Variants in SCML2 observed in about 807,000 individuals in gnomAD.
The protein encoded by SCML2 is sex comb on midleg-like protein 2.
SCML2 carries 6 observed loss-of-function variants against 48.4 expected under a neutral mutation model. That is an observed-to-expected ratio of 0.12 (90% CI 0.07 to 0.24). SCML2 has a LOEUF of 0.24. SCML2 is among the 10% of genes least tolerant of loss of function. The pLI is 1.00. For missense variants in SCML2, 377 were observed against 528.2 expected, an observed-to-expected ratio of 0.71 and a Z score of 2.81; for synonymous variants, 181 against 189.5, an observed-to-expected ratio of 0.95 and a Z score of 0.37.
intron 11 of SCML2, 28 bp from the exon 12 acceptor site, chrX:18,247,910 G>T: frequency 9.4e-7 from 1 of 1,059,232 alleles, no homozygotes; most frequent in Non-Finnish European, 1.3e-6. Flanking sequence ...ACAGTTGTCT[G>T]TTATAACGAA....
At chrX:18,350,462 G>A (rs914274333) in intron 1 of SCML2, among the ~76,000 whole-genome samples, 2 of 110,000 alleles carry the variant, frequency 1.8e-5, no homozygotes, top group Middle Eastern at 4.6e-3. Flanking sequence ...TGTAGTCCCA[G>A]CTACTTGGGA....
intron 1 of SCML2, among the ~76,000 whole-genome samples, chrX:18,350,448 C>T (rs755407096): frequency 1.8e-5 from 2 of 110,167 alleles, no homozygotes; most frequent in Non-Finnish European, 3.8e-5. Context: ...CGGTGGCGCA[C>T]GCCTGTAGTC....
In SCML2 at chrX:18,240,368, A is replaced by AAT. The variant is rs1222997954; in HGVS notation, c.*881_*882dup. 1 of 112,534 alleles carries AAT rather than the reference A, an allele frequency of 8.9e-6. No individual in the cohort carries two copies. Among genetic ancestry groups the AAT allele is most frequent in the Non-Finnish European group, 1.9e-5 (1 of 53,286 alleles). 9.3% of individuals were successfully genotyped at this position (112,534 alleles called of 1,213,427 possible). ...TACCATATGAAGAATAAACACATAC[A>AAT]ATATATATCTTCAAAAATTTTGGAC... On this transcript the variant is annotated 3_prime_UTR_variant, in exon 15 of 15. Coordinates refer to ENST00000251900, the MANE Select transcript of SCML2 (RefSeq NM_006089.3).
At chrX:18,286,597 C>A (rs1176565333) in intron 7 of SCML2, among the ~76,000 whole-genome samples, 2 of 111,482 alleles carry the variant, frequency 1.8e-5, no homozygotes, top group Admixed American at 1.9e-4. Flanking sequence ...ACAGTGTCTA[C>A]CTCCATGCAT....
rs373947793 is a variant in SCML2, at chrX:18,304,179, C to T, written c.730+793G>A. ...CTCAGCCTCCTGAGTAGCTAGGATT[C>T]CAGGCACACGCCACCGCGCCCGGCT... On this transcript the variant is annotated intron_variant, in intron 7 of 14. Transcript: ENST00000251900. 8.1e-4 allele frequency among the ~76,000 whole-genome samples: 90 copies of T among 111,267 alleles called. 1 individual carries two copies. Among genetic ancestry groups the T allele is most frequent in the African/African-American group, 2.7e-3 (84 of 30,612 alleles).
intron 6 of SCML2, among the ~76,000 whole-genome samples, chrX:18,319,472 C>T (rs1380479912): frequency 2.8e-5 from 3 of 108,898 alleles, no homozygotes; most frequent in African/African-American, 6.7e-5. Flanking sequence ...TGATGGTGCA[C>T]GCCTGTAGTC....
intron 7 of SCML2, among the ~76,000 whole-genome samples, chrX:18,274,907 A>G (rs1927579156): frequency 9.0e-6 from 1 of 111,651 alleles, no homozygotes; most frequent in Non-Finnish European, 1.9e-5. Flanking sequence ...TTCTCTCTGA[A>G]GCCTGCTACC....
At chrX:18,315,671 T>C (rs978988072) in intron 6 of SCML2, among the ~76,000 whole-genome samples, 2 of 111,639 alleles carry the variant, frequency 1.8e-5, no homozygotes, top group African/African-American at 3.3e-5. Flanking sequence ...ACACAAAGAA[T>C]ACTCCTGCAA....
In SCML2 at chrX:18,266,642, A is replaced by T. The variant is rs774363438; in HGVS notation, c.731-840T>A. 8.0e-5 allele frequency among the ~76,000 whole-genome samples: 9 copies of T among 112,593 alleles called. No homozygotes were observed. In the South Asian group the frequency reaches 3.3e-3, roughly 41 times the overall value. On this transcript the variant is annotated intron_variant, in intron 7 of 14. Coordinates refer to ENST00000251900, the MANE Select transcript of SCML2 (RefSeq NM_006089.3). ...CTTTACAGGAAGAACTATGTAAGTG[A>T]AACATTTATACATCTATGCAAAAAT... is the stretch of plus-strand genomic sequence containing the variant.
In SCML2 at chrX:18,260,301, AC is replaced by A. The variant is rs751415835; in HGVS notation, c.949-11del. 4 of 1,179,256 alleles carry A rather than the reference AC, an allele frequency of 3.4e-6. No individual in the cohort carries two copies. In the South Asian group the frequency reaches 5.7e-5, roughly 17 times the overall value. ...CGGGCAAAGGTTTTTCCTGTTAAAA[AC>A]AAAGGGAAAAAAACACAAGTATACA... On this transcript the variant is annotated splice_polypyrimidine_tract_variant and intron_variant, in intron 8 of 14. Coordinates refer to ENST00000251900, the MANE Select transcript of SCML2 (RefSeq NM_006089.3).
intron 13 of SCML2, among the ~76,000 whole-genome samples, chrX:18,245,426 T>A (rs1402876085): frequency 8.9e-6 from 1 of 112,239 alleles, no homozygotes; most frequent in Non-Finnish European, 1.9e-5. Context: ...ATACTAGCCA[T>A]TATGGAGTAA....
intron 1 of SCML2, among the ~76,000 whole-genome samples, chrX:18,351,793 G>A (rs1305249292): frequency 2.7e-5 from 3 of 110,961 alleles, no homozygotes; most frequent in Non-Finnish European, 5.7e-5. Context: ...CCAAAAGAAA[G>A]GCAGTAAAAT....
chrX:18,247,121 T>C (rs1926476326), intron 12 of SCML2, among the ~76,000 whole-genome samples: 1 of 110,791 alleles, frequency 9.0e-6, no homozygotes, highest in Non-Finnish European at 1.9e-5. Context: ...GCCTCCCGAG[T>C]AGCTGGGAGT....
chrX:18,313,153 T>C (rs16980772), intron 6 of SCML2, among the ~76,000 whole-genome samples: 23,925 of 109,997 alleles, frequency 0.22, 2,030 homozygotes, highest in Middle Eastern at 0.34. Context: ...TTCCAAACCT[T>C]AGTTCAATAT....
chrX:18,266,308 T>C (rs751931665), intron 7 of SCML2, among the ~76,000 whole-genome samples: 1 of 111,522 alleles, frequency 9.0e-6, no homozygotes, highest in Non-Finnish European at 1.9e-5. Context: ...AAAAATTATA[T>C]ATTTAAGGTT....
chrX:18,349,141 G>A (rs1602157254), intron 1 of SCML2, among the ~76,000 whole-genome samples: 2 of 112,159 alleles, frequency 1.8e-5, no homozygotes, highest in East Asian at 5.6e-4. Flanking sequence ...CATCTTCAAG[G>A]TATGCCCTAG....
Position 18,352,554 on chromosome X carries a change from A to AT in SCML2, c.-25+2037dup, listed in dbSNP as rs762915406. Among the ~76,000 whole-genome samples the AT allele has an allele frequency of 3.6e-5, 4 of 112,000 alleles. No individual in the cohort carries two copies. In the East Asian group the frequency reaches 1.1e-3, roughly 31 times the overall value. On this transcript the variant is annotated intron_variant, in intron 1 of 14. Coordinates refer to ENST00000251900, the MANE Select transcript of SCML2 (RefSeq NM_006089.3). Reference sequence around the variant, plus strand: ...GAATACTTGTTCTACATTCGTATTGATTTTTTTAGCTATAACTCCCTGAAA... The same window carrying AT: ...GAATACTTGTTCTACATTCGTATTGATTTTTTTTAGCTATAACTCCCTGAAA...
upstream of SCML2, among the ~76,000 whole-genome samples, chrX:18,354,894 A>AC (rs1930495678): frequency 9.0e-6 from 1 of 110,764 alleles, no homozygotes; most frequent in Non-Finnish European, 1.9e-5. Context: ...TTTGCCTCCT[A>AC]CCCCCCACGC....
intron 1 of SCML2, among the ~76,000 whole-genome samples, chrX:18,342,793 T>A (rs1970910681): frequency 8.9e-6 from 1 of 111,817 alleles, no homozygotes; most frequent in South Asian, 3.7e-4. Flanking sequence ...CAATCTGCAA[T>A]CTTTTACACA....
Sources: allele counts gnomAD v4.1 joint callset (sites outside exome capture counted in the v4.1 genomes callset), GRCh38; gene constraint gnomAD v4.1.1; transcripts MANE v1.5; gene names NCBI Gene and HGNC (gene_info 2026-07-23, HGNC 2026-07-21).